Variants in RSRC1 observed in about 807,000 individuals in gnomAD.
RSRC1 encodes the protein arginine and serine rich coiled-coil 1.
In RSRC1, 39 loss-of-function variants were observed where a neutral mutation model predicts 49.1. The observed-to-expected ratio is 0.79, with a 90% confidence interval of 0.61 to 1.04. RSRC1 has a LOEUF of 1.04. RSRC1 is among the 50% of genes least tolerant of loss of function. The pLI is 0.00. For synonymous variants in RSRC1, 143 were observed against 130.8 expected (o/e 1.09, Z -0.63); for missense variants, 388 against 402.4 (o/e 0.96, Z 0.31).
chr3:158,422,092 T>C (rs1735096563), intron 6 of RSRC1, among the ~76,000 whole-genome samples: 1 of 151,228 alleles, frequency 6.6e-6, no homozygotes, highest in Non-Finnish European at 1.5e-5. Context: ...ATTATTATTA[T>C]ACTTTAAGTT....
intron 7 of RSRC1, among the ~76,000 whole-genome samples, chr3:158,488,259 T>A (rs1296485791): frequency 6.6e-6 from 1 of 152,154 alleles, no homozygotes; most frequent in African/African-American, 2.4e-5. Context: ...ACTCTTTTAA[T>A]AAGTATAAAA....
chr3:158,493,439 A>T (rs1416726281), intron 7 of RSRC1, among the ~76,000 whole-genome samples: 1 of 152,220 alleles, frequency 6.6e-6, no homozygotes, highest in East Asian at 1.9e-4. Context: ...TTTGTGCCTC[A>T]TACCTCTCAT....
chr3:158,160,556 A>G (rs1308071923), intron 3 of RSRC1, among the ~76,000 whole-genome samples: 1 of 152,192 alleles, frequency 6.6e-6, no homozygotes, highest in Non-Finnish European at 1.5e-5. Context: ...CAAGATTTAT[A>G]CCAGGAAGGA....
At position 158,288,303 on chromosome 3, in the gene RSRC1, C is replaced by G. The variant is rs116824055; in HGVS notation, c.495-9736C>G. Among the ~76,000 whole-genome samples, 1,461 of 152,264 alleles carry G rather than the reference C, an allele frequency of 9.6e-3. 19 individuals carry two copies. Among genetic ancestry groups the G allele is most frequent in the African/African-American group, 0.034 (1,404 of 41,534 alleles). On this transcript the variant is annotated intron_variant, in intron 4 of 9. Coordinates refer to ENST00000611884, the MANE Select transcript of RSRC1 (RefSeq NM_001271838.2). ...TTCTCTTTGAAATCTTTTCCAACCA[C>G]TCTAACACATCTGATCATTTTTCCT...
rs1183740716 is a variant in RSRC1, at chr3:158,491,784, C to G, written c.652+30781C>G. Among the ~76,000 whole-genome samples the G allele has an allele frequency of 2.0e-5, 3 of 152,072 alleles. 1 individual carries two copies. Among genetic ancestry groups the G allele is most frequent in the African/African-American group, 7.2e-5 (3 of 41,398 alleles). On this transcript the variant is annotated intron_variant, in intron 7 of 9. Transcript: ENST00000611884. ...ACATATCAACAGTGAAAAACTTTTA[C>G]TTTTGACACCTCGTGCTATGGGTTG...
At chr3:158,441,067 G>T (rs1053350603) in intron 6 of RSRC1, among the ~76,000 whole-genome samples, 1 of 152,024 alleles carries the variant, frequency 6.6e-6, no homozygotes, top group African/African-American at 2.4e-5. Context: ...TTAACTTATA[G>T]GTCTTAATTT....
chr3:158,324,719 A>G (rs1276899270), intron 5 of RSRC1, among the ~76,000 whole-genome samples: 2 of 152,344 alleles, frequency 1.3e-5, no homozygotes, highest in African/African-American at 4.8e-5. Flanking sequence ...TTATAGCAGC[A>G]TGATTTATAA....
chr3:158,270,579 T>A (rs1419520494), intron 4 of RSRC1, among the ~76,000 whole-genome samples: 3 of 152,212 alleles, frequency 2.0e-5, no homozygotes, highest in African/African-American at 7.2e-5. Flanking sequence ...TGTGTTAACA[T>A]GTTTGGTACT....
intron 6 of RSRC1, among the ~76,000 whole-genome samples, chr3:158,375,919 G>C (rs913918958): frequency 1.3e-5 from 2 of 152,170 alleles, no homozygotes; most frequent in Non-Finnish European, 2.9e-5. Flanking sequence ...CAGGGACCAG[G>C]TGGTTCTTTC....
intron 6 of RSRC1, 109 bp from the exon 7 acceptor site, chr3:158,460,826 T>C: frequency 1.8e-6 from 1 of 548,074 alleles, no homozygotes; most frequent in South Asian, 3.9e-5. Context: ...TTCTTTCTTG[T>C]GATTACTTCG....
rs1720647381 is a variant in RSRC1 at position 158,196,761 on chromosome 3, TGTG to T, written c.321-6308_321-6306del. On this transcript the variant is annotated intron_variant, in intron 3 of 9. Coordinates refer to ENST00000611884, the MANE Select transcript of RSRC1 (RefSeq NM_001271838.2). ...TTTTCTGTGTGTATTGAGATAATCATGTGGTTTTTGTCATTGGTTCTGTTAATA... is the reference window on the plus strand; with the variant it reads ...TTTTCTGTGTGTATTGAGATAATCATGTTTTTGTCATTGGTTCTGTTAATA... 5.9e-5 allele frequency among the ~76,000 whole-genome samples: 9 copies of T among 152,320 alleles called. No homozygotes were observed. In the South Asian group the frequency reaches 1.7e-3, roughly 28 times the overall value.
intron 5 of RSRC1, among the ~76,000 whole-genome samples, chr3:158,311,582 C>T (rs1728130963): frequency 6.6e-6 from 1 of 151,864 alleles, no homozygotes; most frequent in Non-Finnish European, 1.5e-5. Context: ...CCTCTACACA[C>T]ATACTGTAAG....
intron 1 of RSRC1, among the ~76,000 whole-genome samples, chr3:158,120,644 A>G (rs926680960): frequency 1.2e-4 from 17 of 147,212 alleles, no homozygotes; most frequent in African/African-American, 4.2e-4. Flanking sequence ...TAAACATACT[A>G]TACATAATAT....
chr3:158,470,351 CACACACACACAT>C (rs1463732651), intron 7 of RSRC1, among the ~76,000 whole-genome samples: 3 of 116,778 alleles, frequency 2.6e-5, no homozygotes, highest in African/African-American at 7.6e-5. Flanking sequence ...CACACACACA[CACACACACACAT>C]ATATATATAT....
chr3:158,366,584 A>G lies in RSRC1; in HGVS notation c.583+11676A>G, dbSNP rs564754695. On this transcript the variant is annotated intron_variant, in intron 6 of 9. Transcript: ENST00000611884. ...ATAGTTTGAAGTCAGGTAGCATGAT[A>G]CCTCCAGCTTTGTTCTTTTTGCTTA... Among the ~76,000 whole-genome samples the G allele has an allele frequency of 1.6e-3, 238 of 151,966 alleles. 3 individuals carry two copies. Among genetic ancestry groups the G allele is most frequent in the Non-Finnish European group, 3.1e-3 (213 of 67,922 alleles).
Position 158,203,093 on chromosome 3 carries a change from C to T in RSRC1, c.342C>T (p.Leu114=). The change falls in exon 4 of 10, where the codon CTC becomes CTT. Residue 114 remains leucine (L), a synonymous_variant. Transcript: ENST00000611884. ...GTAGGTCCAGGTCAAGACCTCGTCT[C>T]CGTTCTCATAGTCGTAGCAGTGAAA... is the stretch of plus-strand genomic sequence containing the variant. The part of the protein sequence containing the change: ...RTRRSRSRPR[L]RSHSRSSERS... 1 of 1,613,186 alleles carries T rather than the reference C, an allele frequency of 6.2e-7. No individual in the cohort carries two copies. The highest frequency in any genetic ancestry group is 8.5e-7 in the Non-Finnish European group (1 of 1,179,478).
At chr3:158,390,502 G>A (rs1174070251) in intron 6 of RSRC1, among the ~76,000 whole-genome samples, 1 of 152,126 alleles carries the variant, frequency 6.6e-6, no homozygotes, top group African/African-American at 2.4e-5. Flanking sequence ...AGTAACATAA[G>A]TGTAATGATA....
At chr3:158,144,108 T>C (rs1286176455) in intron 3 of RSRC1, among the ~76,000 whole-genome samples, 1 of 152,238 alleles carries the variant, frequency 6.6e-6, no homozygotes, top group African/African-American at 2.4e-5. Context: ...ATAAACACCT[T>C]CATTTCTTTC....
intron 7 of RSRC1, among the ~76,000 whole-genome samples, chr3:158,510,751 C>T (rs1740115606): frequency 6.6e-6 from 1 of 152,018 alleles, no homozygotes; most frequent in Non-Finnish European, 1.5e-5. Context: ...TTTATTCATC[C>T]TTTCTAACTG....
Sources: gnomAD v4.1 joint callset for allele counts (sites outside exome capture counted in the v4.1 genomes callset) on GRCh38, gnomAD v4.1.1 for gene constraint, MANE v1.5 for transcripts, NCBI Gene and HGNC (gene_info 2026-07-23, HGNC 2026-07-21) for gene names.